The following ZNF420 variants were observed in gnomAD, a reference collection of about 807,000 sequenced individuals.
The protein encoded by ZNF420 is zinc finger protein 420.
ZNF420 carries 31 observed loss-of-function variants against 44.7 expected under a neutral mutation model. The ratio of observed to expected loss-of-function variants is 0.69; its 90% CI spans 0.52 to 0.94. The LOEUF is 0.94. ZNF420 is among the 40% of genes least tolerant of loss of function. The pLI is 0.00. For missense variants in ZNF420, 681 were observed against 827.9 expected, an observed-to-expected ratio of 0.82 and a Z score of 2.18; for synonymous variants, 245 against 267.4, an observed-to-expected ratio of 0.92 and a Z score of 0.82.
chr19:37,125,566 G>C (rs150157286), intron 4 of ZNF420, among the ~76,000 whole-genome samples: 1 of 152,110 alleles, frequency 6.6e-6, no homozygotes, highest in African/African-American at 2.4e-5. Flanking sequence ...GAAGTATGAC[G>C]GTGGGTGGAT....
At chr19:37,032,662 A>G (rs113098194) in intron 1 of ZNF420, among the ~76,000 whole-genome samples, 1,877 of 151,942 alleles carry the variant, frequency 0.012, 48 homozygotes, top group African/African-American at 0.043. Flanking sequence ...ACAATTTGCC[A>G]GGAGTGGTGG....
At chr19:37,072,131 C>A (rs1215290305) in intron 1 of ZNF420, among the ~76,000 whole-genome samples, 1 of 152,160 alleles carries the variant, frequency 6.6e-6, no homozygotes, top group Non-Finnish European at 1.5e-5. Context: ...TTCTTCCTCC[C>A]TCACCAAGAC....
At chr19:37,021,936 C>CAAAAAAAAAAAAAAAAAAAAAAAAAAAA in intron 1 of ZNF420, among the ~76,000 whole-genome samples, 1 of 84,588 alleles carries the variant, frequency 1.2e-5, no homozygotes, top group Non-Finnish European at 2.3e-5. Flanking sequence ...CAGTCTGTCT[C>CAAAAAAAAAAAAAAAAAAAAAAAAAAAA]AAAAAAAAAA....
intron 4 of ZNF420, among the ~76,000 whole-genome samples, chr19:37,094,154 A>G (rs917395370): frequency 1.8e-4 from 28 of 152,182 alleles, no homozygotes; most frequent in African/African-American, 6.3e-4. Flanking sequence ...GCCATGTTTG[A>G]TAACCACTGC....
chr19:37,126,010 A>G (rs1971326980), intron 4 of ZNF420, among the ~76,000 whole-genome samples: 1 of 152,154 alleles, frequency 6.6e-6, no homozygotes, highest in Non-Finnish European at 1.5e-5. Flanking sequence ...CTTTTTCTAG[A>G]ATCATAAGAC....
intron 3 of ZNF420, 119 bp from the exon 4 acceptor site, chr19:37,090,876 C>T (rs8105472): frequency 0.011 from 11,513 of 1,020,294 alleles, 114 homozygotes; most frequent in African/African-American, 0.041. Flanking sequence ...GCCGAGATCG[C>T]GCCACTGCAC....
chr19:37,105,163 AT>A (rs1970004427), intron 4 of ZNF420, among the ~76,000 whole-genome samples: 1 of 152,126 alleles, frequency 6.6e-6, no homozygotes, highest in South Asian at 2.1e-4. Context: ...TCCATCTTGA[AT>A]TAATTTTTAT....
intron 2 of ZNF420, among the ~76,000 whole-genome samples, chr19:37,084,104 A>C (rs1329835115): frequency 6.6e-6 from 1 of 152,166 alleles, no homozygotes; most frequent in Non-Finnish European, 1.5e-5. Flanking sequence ...TTTTAGACTA[A>C]CAATGCCAAT....
At chr19:37,015,193 G>A (rs2074600858) in intron 1 of ZNF420, among the ~76,000 whole-genome samples, 1 of 152,152 alleles carries the variant, frequency 6.6e-6, no homozygotes, top group African/African-American at 2.4e-5. Flanking sequence ...CTCGTGCGCT[G>A]GAGCGCGGTT....
intron 1 of ZNF420, among the ~76,000 whole-genome samples, chr19:37,048,642 A>G (rs1374598891): frequency 2.0e-5 from 3 of 152,176 alleles, no homozygotes; most frequent in African/African-American, 7.2e-5. Context: ...GACTTAAGGA[A>G]TTCCTCAGAT....
Position 37,127,419 on chromosome 19 carries a change from A to G in ZNF420, c.428A>G (p.Glu143Gly). The G allele has an allele frequency of 6.2e-7, 1 of 1,614,106 alleles. No individual in the cohort carries two copies. The highest frequency in any genetic ancestry group is 8.5e-7 in the Non-Finnish European group (1 of 1,179,984). ...ACTGAGAAACCCTATAAATGTAAGG[A>G]ATGTGGGAAAGCCTTCAGACGAGCC... The part of the protein sequence containing the change: ...HSTEKPYKCK[E>G]CGKAFRRASH... Residue 143 changes from glutamate (E) to glycine (G), a missense_variant, in exon 5 of 5, where the codon GAA becomes GGA. Physicochemically the swap from Glu to Gly is moderately conservative, Grantham distance 98 (BLOSUM62 -2). This residue lies in a region of ZNF420 where 350 missense variants were observed against 382.5 expected (regional missense o/e 0.92). Transcript: ENST00000337995.
At chr19:37,009,421 C>A (rs2074551633) in intron 1 of ZNF420, among the ~76,000 whole-genome samples, 1 of 152,194 alleles carries the variant, frequency 6.6e-6, no homozygotes, top group African/African-American at 2.4e-5. Context: ...CTGTGCCCCC[C>A]TTCCACCGGG....
rs139873003 is a variant in ZNF420 at position 37,128,767 on chromosome 19, T to A, written c.1776T>A (p.Cys592Ter). The A allele has an allele frequency of 4.2e-5, 67 of 1,613,686 alleles. No individual in the cohort carries two copies. Among genetic ancestry groups the A allele is most frequent in the Non-Finnish European group, 5.2e-5 (61 of 1,179,958 alleles). The change falls in exon 5 of 5, where the codon TGT (cysteine) becomes TGA (stop). Residue 592 changes from cysteine to a stop codon, truncating the protein, a stop_gained. Transcript: ENST00000337995. LOFTEE classifies it high-confidence loss of function. ...TGEKPYECKE[C>*]GKAFSHGSQL... ...AAAAACCCTATGAATGCAAGGAGTG[T>A]GGCAAGGCCTTTAGTCATGGCTCTC... is the stretch of plus-strand genomic sequence containing the variant.
At chr19:37,124,523 C>CT (rs1226433228) in intron 4 of ZNF420, among the ~76,000 whole-genome samples, 2 of 152,170 alleles carry the variant, frequency 1.3e-5, no homozygotes, top group Admixed American at 6.6e-5. Context: ...CTACCACACT[C>CT]TTTTTTACCA....
intron 1 of ZNF420, among the ~76,000 whole-genome samples, chr19:37,068,757 A>C (rs1213151212): frequency 1.3e-5 from 2 of 152,230 alleles, no homozygotes; most frequent in Admixed American, 1.3e-4. Context: ...GCATATAGAA[A>C]GACTGAAAAT....
intron 1 of ZNF420, among the ~76,000 whole-genome samples, chr19:37,058,914 C>A (rs1967811094): frequency 6.6e-6 from 1 of 152,178 alleles, no homozygotes; most frequent in African/African-American, 2.4e-5. Context: ...TCGGGGCAGC[C>A]CACAGCTCCT....
At chr19:37,056,753 C>T (rs923983616) in intron 1 of ZNF420, among the ~76,000 whole-genome samples, 1 of 152,214 alleles carries the variant, frequency 6.6e-6, no homozygotes, top group Admixed American at 6.5e-5. Flanking sequence ...TCCAAAGACC[C>T]GAGCAGGCGC....
intron 1 of ZNF420, among the ~76,000 whole-genome samples, chr19:37,011,289 T>C (rs2074567198): frequency 6.6e-6 from 1 of 152,228 alleles, no homozygotes; most frequent in Admixed American, 6.5e-5. Flanking sequence ...TGGGCATCCA[T>C]ACCTGTCTCA....
rs866650221 is a variant in ZNF420, at chr19:37,125,748, G to A, written c.137-1380G>A. 2.6e-5 allele frequency among the ~76,000 whole-genome samples: 4 copies of A among 151,920 alleles called. No homozygotes were observed. In the South Asian group the frequency reaches 8.4e-4, roughly 32 times the overall value. On this transcript the variant is annotated intron_variant, in intron 4 of 4. Coordinates refer to ENST00000337995, the MANE Select transcript of ZNF420 (RefSeq NM_144689.5). Reference sequence around the variant, plus strand: ...ATAACATTATACAAAATCCAATAAAGATTTAAGTTTGCTATGGCAAGCAGT... The same window carrying A: ...ATAACATTATACAAAATCCAATAAAAATTTAAGTTTGCTATGGCAAGCAGT...
Sources: gnomAD v4.1 joint callset for allele counts (sites outside exome capture counted in the v4.1 genomes callset) on GRCh38, gnomAD v4.1.1 for gene constraint, gnomAD v4.1.1 regional missense constraint, MANE v1.5 for transcripts, NCBI Gene and HGNC (gene_info 2026-07-23, HGNC 2026-07-21) for gene names.